The following PDE4D variants were observed in gnomAD, a reference collection of about 807,000 sequenced individuals.
PDE4D encodes phosphodiesterase 4D.
In PDE4D, 24 loss-of-function variants were observed where a neutral mutation model predicts 87.4. The observed-to-expected ratio is 0.27, with a 90% CI of 0.20 to 0.39. The LOEUF is 0.39. Ranked by LOEUF, PDE4D falls within the 10% of genes least tolerant of loss-of-function variation. The probability of loss-of-function intolerance (pLI) is 1.00; values close to 1 mark genes in which losing one functional copy is unlikely to be tolerated. For missense variants in PDE4D, 714 were observed against 1,041.0 expected (o/e 0.69, Z 4.32); for synonymous variants, 384 against 383.2 (o/e 1.00, Z -0.02).
intron 3 of PDE4D, among the ~76,000 whole-genome samples, chr5:59,937,254 A>G (rs1041660795): frequency 6.6e-6 from 1 of 152,204 alleles, no homozygotes; most frequent in African/African-American, 2.4e-5. Flanking sequence ...AGTATCCTCA[A>G]TGAGGAATTA....
At chr5:59,268,926 C>G (rs554222635) in intron 1 of PDE4D, among the ~76,000 whole-genome samples, 57 of 152,220 alleles carry the variant, frequency 3.7e-4, no homozygotes, top group Non-Finnish European at 7.6e-4. Context: ...CCATGACTAA[C>G]CATTCGTATA....
intron 2 of PDE4D, among the ~76,000 whole-genome samples, chr5:59,211,322 C>A (rs1417441593): frequency 1.3e-5 from 2 of 152,200 alleles, no homozygotes; most frequent in African/African-American, 4.8e-5. Context: ...TCTCTTCTGC[C>A]TTATATGAGC....
At chr5:59,238,638 G>C (rs1756994477) in intron 1 of PDE4D, among the ~76,000 whole-genome samples, 1 of 152,146 alleles carries the variant, frequency 6.6e-6, no homozygotes, top group Non-Finnish European at 1.5e-5. Context: ...AGGAGAAAGA[G>C]TGCCATCTTT....
chr5:59,901,393 T>C (rs1013248198), intron 3 of PDE4D, among the ~76,000 whole-genome samples: 6 of 152,300 alleles, frequency 3.9e-5, no homozygotes, highest in Non-Finnish European at 8.8e-5. Context: ...ATAGTATTCA[T>C]GCAAGGAAGG....
intron 1 of PDE4D, among the ~76,000 whole-genome samples, chr5:59,279,767 T>G (rs527996483): frequency 6.6e-6 from 1 of 151,934 alleles, no homozygotes; most frequent in African/African-American, 2.4e-5. Flanking sequence ...CAAAGCTTGC[T>G]CTTCATGATG....
At chr5:59,459,386 T>C (rs1455512950) in intron 1 of PDE4D, among the ~76,000 whole-genome samples, 1 of 152,218 alleles carries the variant, frequency 6.6e-6, no homozygotes, top group Non-Finnish European at 1.5e-5. Flanking sequence ...AGTGCTTACC[T>C]GTTTCACATT....
chr5:59,572,869 GA>G (rs1458569083), intron 1 of PDE4D, among the ~76,000 whole-genome samples: 17 of 152,054 alleles, frequency 1.1e-4, no homozygotes, highest in Non-Finnish European at 2.2e-4. Flanking sequence ...ATCCATAGGG[GA>G]AAAAAGGGAC....
intron 2 of PDE4D, among the ~76,000 whole-genome samples, chr5:60,143,994 A>G (rs1040889320): frequency 6.6e-6 from 1 of 152,158 alleles, no homozygotes; most frequent in African/African-American, 2.4e-5. Flanking sequence ...TTCAGCAGCA[A>G]CTTCTGGACT....
upstream of PDE4D, among the ~76,000 whole-genome samples, chr5:60,491,861 T>C (rs987190125): frequency 1.3e-5 from 2 of 152,152 alleles, no homozygotes; most frequent in African/African-American, 4.8e-5. Flanking sequence ...TATGCCTCAG[T>C]TTCCTCCTAT....
At chr5:60,145,088 G>A (rs1417849969) in intron 2 of PDE4D, among the ~76,000 whole-genome samples, 3 of 152,142 alleles carry the variant, frequency 2.0e-5, no homozygotes, top group Non-Finnish European at 4.4e-5. Flanking sequence ...TTATGGGATT[G>A]CAGTTGTTTT....
chr5:60,452,748 C>A (rs566184261), intron 1 of PDE4D, among the ~76,000 whole-genome samples: 1 of 152,126 alleles, frequency 6.6e-6, no homozygotes, highest in South Asian at 2.1e-4. Flanking sequence ...AAAAAGTATT[C>A]CAGGTGATTA....
At chr5:60,218,858 T>A (rs553670785) in intron 1 of PDE4D, among the ~76,000 whole-genome samples, 2 of 152,102 alleles carry the variant, frequency 1.3e-5, no homozygotes, top group Admixed American at 1.3e-4. Context: ...ACTCATTCAG[T>A]GCCACAAACC....
At chr5:59,411,431 A>T (rs1241109416) in intron 1 of PDE4D, among the ~76,000 whole-genome samples, 1 of 152,188 alleles carries the variant, frequency 6.6e-6, no homozygotes, top group Non-Finnish European at 1.5e-5. Flanking sequence ...GGGCTTCCAT[A>T]ACAAAATACC....
chr5:60,146,171 G>A (rs189798279), intron 2 of PDE4D, among the ~76,000 whole-genome samples: 101 of 152,264 alleles, frequency 6.6e-4, no homozygotes, highest in Admixed American at 1.5e-3. Context: ...CCAAGCTCGC[G>A]CCACTGCACT....
chr5:59,199,343 T>C (rs558464392), intron 2 of PDE4D, among the ~76,000 whole-genome samples: 9 of 151,606 alleles, frequency 5.9e-5, no homozygotes, highest in Non-Finnish European at 1.2e-4. Context: ...TCTTCCTGTC[T>C]CAGTCTATGG....
At chr5:58,976,262 G>A in intron 13 of PDE4D, 88 bp downstream of exon 13, 1 of 1,366,018 alleles carries the variant, frequency 7.3e-7, no homozygotes. Flanking sequence ...GGAGAAGGAA[G>A]AAATACATCT....
At chr5:59,638,957 A>C (rs904429936) in intron 1 of PDE4D, among the ~76,000 whole-genome samples, 1 of 152,158 alleles carries the variant, frequency 6.6e-6, no homozygotes, top group Non-Finnish European at 1.5e-5. Flanking sequence ...ATCTTTTGTA[A>C]AGGGCTACAT....
At chr5:59,866,579 T>C (rs1234658670) in intron 1 of PDE4D, among the ~76,000 whole-genome samples, 1 of 152,108 alleles carries the variant, frequency 6.6e-6, no homozygotes, top group East Asian at 1.9e-4. Flanking sequence ...AGCCCAGGAG[T>C]TTGAGGTGAC....
At chr5:60,453,179 A>G (rs1196152013) in intron 1 of PDE4D, among the ~76,000 whole-genome samples, 1 of 152,108 alleles carries the variant, frequency 6.6e-6, no homozygotes, top group Non-Finnish European at 1.5e-5. Flanking sequence ...AAGCACATAT[A>G]GCTTGTTTTG....
Sources: allele counts gnomAD v4.1 joint callset (sites outside exome capture counted in the v4.1 genomes callset), GRCh38; gene constraint gnomAD v4.1.1; transcripts MANE v1.5; gene names NCBI Gene and HGNC (gene_info 2026-07-23, HGNC 2026-07-21).